MACF1: variants seen among roughly 807,000 people sequenced by gnomAD.
MACF1 encodes microtubule actin crosslinking factor 1, also known as microtubule-actin cross-linking factor 1.
A neutral mutation model predicts 854.8 loss-of-function variants in MACF1; 193 were observed. That is an observed-to-expected ratio of 0.23 (90% CI 0.20 to 0.25). The LOEUF (loss-of-function observed/expected upper bound fraction) is 0.25, where lower values mean the gene tolerates loss of function less well. MACF1 is among the 10% of genes least tolerant of loss of function. The pLI, the probability that MACF1 is intolerant of heterozygous loss-of-function variation, is 1.00. For synonymous variants in MACF1, 3,185 were observed against 3,226.7 expected (o/e 0.99, Z 0.44); for missense variants, 7,722 against 8,929.1 (o/e 0.86, Z 5.45).
At chr1:39,357,957 AGT>A in intron 45 of MACF1, 64 bp downstream of exon 45, 1 of 1,500,486 alleles carries the variant, frequency 6.7e-7, no homozygotes, top group African/African-American at 1.4e-5. Flanking sequence ...CAATGTAGGT[AGT>A]GTCTGGGGCT....
chr1:39,352,770 C>T (rs993556213), intron 43 of MACF1, among the ~76,000 whole-genome samples: 1 of 150,160 alleles, frequency 6.7e-6, no homozygotes, highest in African/African-American at 2.5e-5. Flanking sequence ...GCCACTGTGT[C>T]CTGCCTCTTT....
rs530072648 is a variant in MACF1, at chr1:39,442,830, G to A, written c.19221G>A (p.Leu6407=). 5.6e-6 allele frequency: 9 copies of A among 1,614,118 alleles called. No homozygotes were observed. In the East Asian group the frequency reaches 1.1e-4, roughly 20 times the overall value. Residue 6407 remains leucine (L), a synonymous_variant, in exon 78 of 101, where the codon TTG becomes TTA. Transcript: ENST00000564288. ...GDDASSLRSR[L]EAMNQCWESV... ...ATGCCAGCAGCTTAAGGAGCCGTTT[G>A]GAAGCCATGAACCAATGCTGGGAGT... is the stretch of plus-strand genomic sequence containing the variant.
At chr1:39,095,850 G>A (rs1641923980) in intron 2 of MACF1, among the ~76,000 whole-genome samples, 2 of 151,650 alleles carry the variant, frequency 1.3e-5, no homozygotes, top group Non-Finnish European at 2.9e-5. Context: ...CTCCAGCGTA[G>A]GCAACAGAGT....
At chr1:39,433,185 G>A (rs1241535530) in intron 68 of MACF1, 30 bp downstream of exon 68, 9 of 1,367,022 alleles carry the variant, frequency 6.6e-6, no homozygotes, top group East Asian at 2.3e-5. Flanking sequence ...TTGCCATATT[G>A]TTCCTGTTTT....
intron 31 of MACF1, among the ~76,000 whole-genome samples, chr1:39,320,196 C>T (rs991007817): frequency 2.6e-5 from 4 of 152,130 alleles, no homozygotes; most frequent in South Asian, 4.1e-4. Context: ...GACTGCCTGC[C>T]GTTATCTCCC....
intron 99 of MACF1, among the ~76,000 whole-genome samples, chr1:39,484,014 G>A (rs753742788): frequency 3.9e-5 from 6 of 152,190 alleles, no homozygotes; most frequent in Admixed American, 2.0e-4. Context: ...TTAGCTGGAC[G>A]TGGTGGCGGG....
chr1:39,292,923 T>A, intron 17 of MACF1, 80 bp downstream of exon 17: 1 of 1,211,768 alleles, frequency 8.3e-7, no homozygotes, highest in Non-Finnish European at 1.2e-6. Context: ...AATTCAGAAA[T>A]CTCCTGGTTT....
intron 14 of MACF1, among the ~76,000 whole-genome samples, chr1:39,286,515 G>T: frequency 6.6e-6 from 1 of 150,966 alleles, no homozygotes; most frequent in Non-Finnish European, 1.5e-5. Flanking sequence ...AGCCCAGGAT[G>T]GAGTGCAGTG....
In MACF1 at chr1:39,093,700, G is replaced by T. The variant is rs192031117; in HGVS notation, c.220+9262G>T. Among the ~76,000 whole-genome samples, 65 of 152,154 alleles carry T rather than the reference G, an allele frequency of 4.3e-4. 1 individual carries two copies. Among genetic ancestry groups the T allele is most frequent in the Admixed American group, 1.9e-3 (29 of 15,272 alleles). On this transcript the variant is annotated intron_variant, in intron 2 of 93. Coordinates refer to the MACF1 transcript ENST00000361689. The stretch of plus-strand genomic sequence containing the variant: ...GGGGTTTCATCATGTTGGCCAGGAT[G>T]GTCTTAATCTCTTGACCTTGTGATC...
chr1:39,239,303 ACAAACAAAC>A lies in MACF1; in HGVS notation c.171+8061_171+8069del, dbSNP rs546807492. 2.0e-3 allele frequency among the ~76,000 whole-genome samples: 299 copies of A among 152,066 alleles called. 2 individuals carry two copies. The highest frequency in any genetic ancestry group is 7.0e-3 in the African/African-American group (289 of 41,498). On this transcript the variant is annotated intron_variant, in intron 2 of 100. Transcript: ENST00000564288. ...CTCAAAAAAACAAACAAACAAACAA[ACAAACAAAC>A]AAAAAACACCACAAACCAGGTCTCC...
At chr1:39,386,572 C>T (rs1282493425) in intron 57 of MACF1, among the ~76,000 whole-genome samples, 1 of 152,122 alleles carries the variant, frequency 6.6e-6, no homozygotes, top group Non-Finnish European at 1.5e-5. Flanking sequence ...GCTGGGACTA[C>T]AAGCACGTGC....
chr1:39,422,707 G>A (rs1438764254), intron 59 of MACF1, 23 bp from the exon 60 acceptor site: 1 of 1,606,382 alleles, frequency 6.2e-7, no homozygotes, highest in African/African-American at 1.3e-5. Flanking sequence ...TTCTCATAAT[G>A]AACCTACATG....
At chr1:39,436,600 G>A (rs772401712) in intron 70 of MACF1, 61 of 1,037,752 alleles carry the variant, frequency 5.9e-5, no homozygotes, top group Non-Finnish European at 8.6e-5. Flanking sequence ...TTTAATTAGT[G>A]CAGTTTATTA....
chr1:39,337,095 A>G, intron 37 of MACF1, 87 bp from the exon 38 acceptor site: 11 of 1,344,826 alleles, frequency 8.2e-6, no homozygotes, highest in East Asian at 7.0e-5. Context: ...AATTGCTTCT[A>G]TTTGTCTAAC....
Position 39,459,163 on chromosome 1 carries a change from C to G in MACF1, c.21274C>G (p.Gln7092Glu), listed in dbSNP as rs1644499892. The change falls in exon 91 of 101, where the codon CAG becomes GAG. Residue 7092 changes from glutamine to glutamate, a missense_variant. By Grantham distance (29) the Gln-to-Glu change is conservative (BLOSUM62 2). Transcript: ENST00000564288. ...TGAAGCAAAAAACCCACGGATCAAC[C>G]AGCTTTCTGCCCGCTGGCAGCAGGT... ...QSEAKNPRIN[Q>E]LSARWQQVWL... The G allele has an allele frequency of 6.2e-7, 1 of 1,614,154 alleles. No homozygotes were observed. The highest frequency in any genetic ancestry group is 2.2e-5 in the East Asian group (1 of 44,890).
intron 70 of MACF1, chr1:39,436,606 T>C (rs1643983089): frequency 1.0e-6 from 1 of 967,130 alleles, no homozygotes; most frequent in Non-Finnish European, 1.7e-6. Flanking sequence ...TAGTGCAGTT[T>C]ATTATGCCAG....
At chr1:39,154,874 A>C (rs1643652514) in intron 2 of MACF1, among the ~76,000 whole-genome samples, 1 of 152,120 alleles carries the variant, frequency 6.6e-6, no homozygotes, top group Admixed American at 6.6e-5. Flanking sequence ...GGGCTGTTGG[A>C]GACAGAAGGG....
At chr1:39,330,430 G>A (rs780387108) in intron 36 of MACF1, among the ~76,000 whole-genome samples, 2 of 152,170 alleles carry the variant, frequency 1.3e-5, no homozygotes, top group South Asian at 2.1e-4. Context: ...GTGCTCATCA[G>A]CAGGGAATTG....
intron 58 of MACF1, among the ~76,000 whole-genome samples, chr1:39,401,322 T>C (rs1171783359): frequency 6.6e-6 from 1 of 152,200 alleles, no homozygotes. Flanking sequence ...TCTAATGATC[T>C]CAGGGATTTT....
Sources: gnomAD v4.1 joint callset for allele counts (sites outside exome capture counted in the v4.1 genomes callset) on GRCh38, gnomAD v4.1.1 for gene constraint, MANE v1.5 for transcripts, NCBI Gene and HGNC (gene_info 2026-07-23, HGNC 2026-07-21) for gene names.